Variants in ADGRL3 observed in about 807,000 individuals in gnomAD.
ADGRL3 encodes the protein adhesion G protein-coupled receptor L3, also known as calcium-independent alpha-latrotoxin receptor 3.
ADGRL3 carries 62 observed loss-of-function variants against 153.5 expected under a neutral mutation model. That is an observed-to-expected ratio of 0.40 (90% CI 0.33 to 0.50). The LOEUF (loss-of-function observed/expected upper bound fraction) is 0.50, where lower values mean the gene tolerates loss of function less well. ADGRL3 is among the 20% of genes least tolerant of loss of function. The pLI is 0.47. For synonymous variants in ADGRL3, 710 were observed against 672.5 expected (o/e 1.06, Z -0.86); for missense variants, 1,641 against 1,859.4 (o/e 0.88, Z 2.16).
At chr4:61,957,449 C>T (rs1013081077) in intron 17 of ADGRL3, among the ~76,000 whole-genome samples, 10 of 151,746 alleles carry the variant, frequency 6.6e-5, no homozygotes, top group Non-Finnish European at 1.5e-4. Context: ...ATCTCATAGT[C>T]CATAAATAAG....
rs192174947 is a variant in ADGRL3 at position 61,292,029 on chromosome 4, A to G, written c.-240+90264A>G. ...TAATCACTATTAAAAGGAAGGAGAA[A>G]ATATTCCACATATTATGGGAGAACA... On this transcript the variant is annotated intron_variant, in intron 1 of 26. Transcript: ENST00000683033. Among the ~76,000 whole-genome samples the G allele has an allele frequency of 4.0e-5, 6 of 151,526 alleles. No individual in the cohort carries two copies. In the East Asian group the frequency reaches 1.2e-3, roughly 30 times the overall value.
chr4:61,902,930 A>G (rs2098672628), intron 11 of ADGRL3, among the ~76,000 whole-genome samples: 1 of 152,188 alleles, frequency 6.6e-6, no homozygotes, highest in African/African-American at 2.4e-5. Flanking sequence ...CTTACTAGAA[A>G]ATATTTTATT....
intron 1 of ADGRL3, among the ~76,000 whole-genome samples, chr4:61,263,808 A>C (rs1578032110): frequency 6.6e-6 from 1 of 152,178 alleles, no homozygotes; most frequent in East Asian, 1.9e-4. Flanking sequence ...CATAAAGTAG[A>C]AGTGATTCAT....
At chr4:61,382,126 A>G (rs980283254) in intron 1 of ADGRL3, among the ~76,000 whole-genome samples, 2 of 151,918 alleles carry the variant, frequency 1.3e-5, no homozygotes, top group African/African-American at 2.4e-5. Context: ...TCTGCCCTGT[A>G]TCTCATTCTT....
intron 5 of ADGRL3, among the ~76,000 whole-genome samples, chr4:61,630,668 T>G (rs1446723385): frequency 6.6e-6 from 1 of 152,224 alleles, no homozygotes; most frequent in Non-Finnish European, 1.5e-5. Flanking sequence ...ATTTAAGAAA[T>G]CAGCTACAGC....
At chr4:61,457,028 T>C (rs2097763229) in intron 2 of ADGRL3, among the ~76,000 whole-genome samples, 1 of 151,968 alleles carries the variant, frequency 6.6e-6, no homozygotes, top group African/African-American at 2.4e-5. Context: ...TAATACATGT[T>C]CAGTTTGTGT....
At chr4:61,627,371 TG>T (rs1455820201) in intron 5 of ADGRL3, among the ~76,000 whole-genome samples, 1 of 152,170 alleles carries the variant, frequency 6.6e-6, no homozygotes, top group Non-Finnish European at 1.5e-5. Flanking sequence ...CCCAACATTT[TG>T]GGAGGCAGAG....
chr4:61,827,034 C>G (rs752554998), intron 9 of ADGRL3, among the ~76,000 whole-genome samples: 1 of 152,132 alleles, frequency 6.6e-6, no homozygotes, highest in Non-Finnish European at 1.5e-5. Flanking sequence ...AATGGGTTCA[C>G]TTTTCTGATC....
intron 2 of ADGRL3, among the ~76,000 whole-genome samples, chr4:61,471,441 G>T (rs925119286): frequency 5.9e-5 from 9 of 151,596 alleles, no homozygotes; most frequent in African/African-American, 2.2e-4. Context: ...TAAATAAATA[G>T]TTTAAATACC....
chr4:61,771,369 A>C (rs1447224593), intron 8 of ADGRL3, among the ~76,000 whole-genome samples: 3 of 152,140 alleles, frequency 2.0e-5, no homozygotes, highest in Non-Finnish European at 1.5e-5. Flanking sequence ...ATAATTCCAT[A>C]TTAGGAGAGA....
chr4:62,063,476 TTC>T, intron 25 of ADGRL3: 1 of 633,634 alleles, frequency 1.6e-6, no homozygotes. Flanking sequence ...TTTTTTTTTT[TTC>T]TCTGTCTTTC....
chr4:61,370,293 G>A (rs1325584106), intron 1 of ADGRL3, among the ~76,000 whole-genome samples: 2 of 35,280 alleles, frequency 5.7e-5, no homozygotes, highest in Non-Finnish European at 1.3e-4. Context: ...GTTTGCTCTT[G>A]TTTTTCTAGT....
chr4:61,441,267 A>AT (rs1270462195), intron 2 of ADGRL3, among the ~76,000 whole-genome samples: 2 of 152,004 alleles, frequency 1.3e-5, no homozygotes, highest in African/African-American at 4.8e-5. Flanking sequence ...TAATGATATC[A>AT]TTTTCCCCTT....
intron 23 of ADGRL3, among the ~76,000 whole-genome samples, chr4:62,032,893 ACATTAGAATGGATGCATTCTAATCTAATT>A (rs1196093891): frequency 6.6e-6 from 1 of 151,882 alleles, no homozygotes; most frequent in African/African-American, 2.4e-5. Context: ...AAAAGAGGTT[ACATTAGAATGGATGCATTCTAATCTAATT>A]CATTAGAATT....
chr4:61,528,321 G>A (rs767212323), intron 4 of ADGRL3, among the ~76,000 whole-genome samples: 17 of 151,846 alleles, frequency 1.1e-4, no homozygotes, highest in Non-Finnish European at 2.1e-4. Context: ...CTTCCTCTGG[G>A]AAGTCTTTCT....
At chr4:61,243,554 A>T (rs921841726) in intron 1 of ADGRL3, among the ~76,000 whole-genome samples, 1 of 152,036 alleles carries the variant, frequency 6.6e-6, no homozygotes, top group African/African-American at 2.4e-5. Context: ...AGTTTCCTCT[A>T]GCAGTATTTT....
chr4:62,067,326 G>C (rs1743495243), intron 25 of ADGRL3, among the ~76,000 whole-genome samples: 1 of 151,782 alleles, frequency 6.6e-6, no homozygotes, highest in South Asian at 2.1e-4. Flanking sequence ...CTGTTAACCA[G>C]GCTAAAATAA....
chr4:61,779,684 A>T (rs573955062), intron 8 of ADGRL3, among the ~76,000 whole-genome samples: 3 of 150,566 alleles, frequency 2.0e-5, no homozygotes, highest in Non-Finnish European at 4.4e-5. Context: ...TGTGTATTCC[A>T]TAGCTACTAC....
chr4:61,307,116 T>A (rs1016816932), intron 1 of ADGRL3, among the ~76,000 whole-genome samples: 3 of 152,186 alleles, frequency 2.0e-5, no homozygotes, highest in African/African-American at 7.2e-5. Context: ...GCATAATAAA[T>A]AGGTGACTTG....
Sources: allele counts gnomAD v4.1 joint callset (sites outside exome capture counted in the v4.1 genomes callset), GRCh38; gene constraint gnomAD v4.1.1; transcripts MANE v1.5; gene names NCBI Gene and HGNC (gene_info 2026-07-23, HGNC 2026-07-21).